Variants in SULT2B1 observed in about 807,000 individuals in gnomAD.
The protein encoded by SULT2B1 is sulfotransferase 2B1.
SULT2B1 carries 16 observed loss-of-function variants against 33.2 expected under a neutral mutation model. That is an observed-to-expected ratio of 0.48 (90% CI 0.33 to 0.73). The LOEUF (loss-of-function observed/expected upper bound fraction) is 0.73. Ranked by LOEUF, SULT2B1 falls within the 30% of genes least tolerant of loss-of-function variation. The pLI is 0.02. For synonymous variants in SULT2B1, 186 were observed against 200.5 expected, an observed-to-expected ratio of 0.93 and a Z score of 0.61; for missense variants, 500 against 506.0, an observed-to-expected ratio of 0.99 and a Z score of 0.11.
intron 2 of SULT2B1, among the ~76,000 whole-genome samples, chr19:48,579,505 A>T (rs1229008601): frequency 1.3e-5 from 2 of 151,426 alleles, no homozygotes; most frequent in Non-Finnish European, 2.9e-5. Context: ...GATGCTCTCC[A>T]TCTCCTGACC....
intron 2 of SULT2B1, among the ~76,000 whole-genome samples, chr19:48,581,878 A>T (rs1243607985): frequency 1.9e-5 from 2 of 103,704 alleles, no homozygotes; most frequent in Non-Finnish European, 3.8e-5. Context: ...AGTATGTTTT[A>T]TTATTATTAT....
At chr19:48,576,247 T>G (rs1160600459) in intron 2 of SULT2B1, among the ~76,000 whole-genome samples, 164 bp downstream of exon 2, 1 of 151,524 alleles carries the variant, frequency 6.6e-6, no homozygotes, top group Admixed American at 6.6e-5. Context: ...ACCCACCCGG[T>G]GCCCAGCCTC....
chr19:48,563,617 G>A (rs1002398922), intron 1 of SULT2B1, among the ~76,000 whole-genome samples: 1 of 152,068 alleles, frequency 6.6e-6, no homozygotes, highest in Non-Finnish European at 1.5e-5. Context: ...TCTGTACGGT[G>A]GGGGACGTAG....
chr19:48,563,286 T>C (rs909748007), intron 1 of SULT2B1, among the ~76,000 whole-genome samples: 8 of 152,112 alleles, frequency 5.3e-5, no homozygotes, highest in Non-Finnish European at 7.4e-5. Flanking sequence ...CTCTGTGACC[T>C]AGCAATTCTG....
intron 3 of SULT2B1, among the ~76,000 whole-genome samples, chr19:48,589,047 C>T (rs1362365911): frequency 2.0e-5 from 3 of 152,154 alleles, no homozygotes; most frequent in Non-Finnish European, 4.4e-5. Context: ...CCCGAGCGGG[C>T]TTAGGCTTCA....
chr19:48,561,644 C>A (rs1382140794), intron 1 of SULT2B1, among the ~76,000 whole-genome samples: 1 of 152,050 alleles, frequency 6.6e-6, no homozygotes, highest in Non-Finnish European at 1.5e-5. Context: ...CCAAACTGGA[C>A]AGTGAGAACG....
chr19:48,592,789 A>G lies in SULT2B1; in HGVS notation c.618A>G (p.Leu206=), dbSNP rs372222269. The G allele has an allele frequency of 1.4e-5, 23 of 1,586,542 alleles. No homozygotes were observed. In the African/African-American group the frequency reaches 2.8e-4, roughly 19 times the overall value. ...WLRMKGKDNF[L]FITYEELQQD... ...GGATGAAGGGCAAAGACAACTTCCT[A>G]TTTATCACCTACGAGGAGCTGCAGC... The change falls in exon 5 of 7, where the codon CTA becomes CTG. Residue 206 remains leucine, a synonymous_variant. Transcript: ENST00000201586.
rs869189397 is a variant in SULT2B1, at chr19:48,558,679, C to CTTTTTTTTTTT, written c.71+6368_71+6378dup. On this transcript the variant is annotated intron_variant, in intron 1 of 6. Coordinates refer to ENST00000201586, the MANE Select transcript of SULT2B1 (RefSeq NM_177973.2). Reference sequence around the variant, plus strand: ...TGCTTTTTCTTTTTTCTTTTCTTTTCTTTTTTTTTTTTTTTTTTTTTTGAG... The same window carrying CTTTTTTTTTTT: ...TGCTTTTTCTTTTTTCTTTTCTTTTCTTTTTTTTTTTTTTTTTTTTTTTTTTTTTTTTTGAG... 2.1e-4 allele frequency among the ~76,000 whole-genome samples: 22 copies of CTTTTTTTTTTT among 106,176 alleles called. 1 individual carries two copies. The highest frequency in any genetic ancestry group is 3.2e-4 in the Admixed American group (3 of 9,370). 69.7% of individuals were successfully genotyped at this position (106,176 alleles called of 152,430 possible).
chr19:48,583,247 G>C (rs1973518068), intron 2 of SULT2B1, among the ~76,000 whole-genome samples: 1 of 152,060 alleles, frequency 6.6e-6, no homozygotes. Flanking sequence ...TGAGCATGTA[G>C]AATGGTACAG....
chr19:48,581,752 C>T (rs754006532), intron 2 of SULT2B1, among the ~76,000 whole-genome samples: 5 of 151,384 alleles, frequency 3.3e-5, no homozygotes, highest in East Asian at 1.9e-4. Flanking sequence ...CCACCGTGCC[C>T]GGCCGAGAGT....
In SULT2B1 at chr19:48,587,525, C is replaced by T. The variant is rs542275879; in HGVS notation, c.423+88C>T. On this transcript the variant is annotated intron_variant, in intron 3 of 6. Transcript: ENST00000201586. ...ACGGAGCATAACTCATTGATTCATT[C>T]AGCACCTATTTGTTAAACACCTACT... 30 of 1,446,228 alleles carry T rather than the reference C, an allele frequency of 2.1e-5. No individual in the cohort carries two copies. In the South Asian group the frequency reaches 3.4e-4, roughly 16 times the overall value. The allele number at this position is 1,446,228 out of a possible 1,614,324, so 89.6% of individuals were successfully genotyped here.
At chr19:48,565,458 C>A (rs1568404434) in intron 1 of SULT2B1, among the ~76,000 whole-genome samples, 2 of 151,848 alleles carry the variant, frequency 1.3e-5, no homozygotes, top group Admixed American at 6.6e-5. Flanking sequence ...TGGCTCACTG[C>A]AACCTCCACC....
At chr19:48,568,823 G>T (rs979594786) in intron 1 of SULT2B1, among the ~76,000 whole-genome samples, 1 of 152,068 alleles carries the variant, frequency 6.6e-6, no homozygotes, top group African/African-American at 2.4e-5. Context: ...TGGAAGGGTG[G>T]GCCGCTCAGG....
At chr19:48,554,290 A>C in intron 1 of SULT2B1, among the ~76,000 whole-genome samples, 1 of 124,222 alleles carries the variant, frequency 8.1e-6, no homozygotes, top group Admixed American at 8.7e-5. Flanking sequence ...ACCCCCTCAG[A>C]TACGCCACGT....
In SULT2B1 at chr19:48,589,541, G is replaced by A. The variant is rs549867125; in HGVS notation, c.424-2068G>A. 4.6e-5 allele frequency among the ~76,000 whole-genome samples: 7 copies of A among 152,222 alleles called. No individual in the cohort carries two copies. The South Asian group carries it at 1.2e-3, about 27-fold the overall frequency. On this transcript the variant is annotated intron_variant, in intron 3 of 6. Transcript: ENST00000201586. ...GAATTGAGCGTGGACAGAGCAGAGAGGGGGGGCTGCAATCAGGAAGTCCCC... is the reference window on the plus strand; with the variant it reads ...GAATTGAGCGTGGACAGAGCAGAGAAGGGGGGCTGCAATCAGGAAGTCCCC...
Position 48,596,832 on chromosome 19 carries a change from A to G in SULT2B1, c.739A>G (p.Ser247Gly), listed in dbSNP as rs1481428907. ...CTCCGTCGTGGCACACTCAACCTTC[A>G]GCGCCATGAAGGCCAACACCATGTC... Reference protein sequence around the residue: ...LGSVVAHSTFSAMKANTMSNY... With the variant: ...LGSVVAHSTFGAMKANTMSNY... The change falls in exon 6 of 7, where the codon AGC (serine) becomes GGC (glycine). Residue 247 changes from serine (S) to glycine (G), a missense_variant. Physicochemically the swap from Ser to Gly is moderately conservative, Grantham distance 56 (BLOSUM62 0). Coordinates refer to ENST00000201586, the MANE Select transcript of SULT2B1 (RefSeq NM_177973.2). 1.2e-6 allele frequency: 2 copies of G among 1,609,872 alleles called. No homozygotes were observed. The highest frequency in any genetic ancestry group is 1.7e-6 in the Non-Finnish European group (2 of 1,179,930).
chr19:48,562,517 A>T (rs1973195587), intron 1 of SULT2B1, among the ~76,000 whole-genome samples: 1 of 152,096 alleles, frequency 6.6e-6, no homozygotes. Flanking sequence ...ACACCATTGT[A>T]CTGCAGCCTG....
intron 3 of SULT2B1, among the ~76,000 whole-genome samples, chr19:48,589,021 C>T (rs551817007): frequency 2.6e-5 from 4 of 152,162 alleles, no homozygotes; most frequent in Non-Finnish European, 5.9e-5. Flanking sequence ...CGGCAGGGAT[C>T]GCAGCAGAGG....
chr19:48,587,230 C>T lies in SULT2B1; in HGVS notation c.216C>T (p.Gly72=). 6.2e-7 allele frequency: 1 copy of T among 1,606,892 alleles called. No individual in the cohort carries two copies. The highest frequency in any genetic ancestry group is 8.5e-7 in the Non-Finnish European group (1 of 1,175,746). The change falls in exon 3 of 7, where the codon GGC becomes GGT. Residue 72 remains glycine (G), a splice_region_variant and synonymous_variant. Transcript: ENST00000201586. ...AATCTGCTCGATTTCTCCCAACAGG[C>T]ACGACCTGGATGATCGAGATCATCT... ...DIFIITYPKS[G]TTWMIEIICL...
Sources: allele counts gnomAD v4.1 joint callset (sites outside exome capture counted in the v4.1 genomes callset), GRCh38; gene constraint gnomAD v4.1.1; transcripts MANE v1.5; gene names NCBI Gene and HGNC (gene_info 2026-07-23, HGNC 2026-07-21).